The following DMRT1 variants were observed in gnomAD, a reference collection of about 807,000 sequenced individuals.
DMRT1 encodes the protein doublesex- and mab-3-related transcription factor 1.
In DMRT1, 7 loss-of-function variants were observed where a neutral mutation model predicts 32.3. That is an observed-to-expected ratio of 0.22 (90% CI 0.12 to 0.41). The LOEUF (loss-of-function observed/expected upper bound fraction) is 0.41. Ranked by LOEUF, DMRT1 falls within the 10% of genes least tolerant of loss-of-function variation. The pLI is 1.00. For synonymous variants in DMRT1, 278 were observed against 206.1 expected (o/e 1.35, Z -2.99); for missense variants, 625 against 500.5 (o/e 1.25, Z -2.37).
At chr9:966,095 C>T (rs946617403) in intron 4 of DMRT1, among the ~76,000 whole-genome samples, 1 of 152,172 alleles carries the variant, frequency 6.6e-6, no homozygotes, top group Non-Finnish European at 1.5e-5. Context: ...GATCTCAAAG[C>T]AGTCTGCTGC....
intron 4 of DMRT1, among the ~76,000 whole-genome samples, chr9:941,542 G>C (rs1163557039): frequency 4.6e-5 from 7 of 152,160 alleles, no homozygotes; most frequent in Non-Finnish European, 7.3e-5. Context: ...GGGGAGGACA[G>C]AATGGAGAGT....
At position 954,619 on chromosome 9, in the gene DMRT1, T is replaced by G. The variant is rs1028032507; in HGVS notation, c.968-13366T>G. Among the ~76,000 whole-genome samples, 7 of 152,060 alleles carry G rather than the reference T, an allele frequency of 4.6e-5. 1 individual carries two copies. Among genetic ancestry groups the G allele is most frequent in the African/African-American group, 7.2e-5 (3 of 41,464 alleles). ...AGGTTCAGTTTTTTTTGTTTGTTTT[T>G]TTGTTGTTGTTGTTTGGGCTTTATT... On this transcript the variant is annotated intron_variant, in intron 4 of 4. Coordinates refer to ENST00000382276, the MANE Select transcript of DMRT1 (RefSeq NM_021951.3).
At chr9:890,336 G>T (rs1323545336) in intron 2 of DMRT1, among the ~76,000 whole-genome samples, 1 of 152,172 alleles carries the variant, frequency 6.6e-6, no homozygotes, top group African/African-American at 2.4e-5. Flanking sequence ...TGGGGGTGTG[G>T]AATAATGGCA....
rs183812436 is a variant in DMRT1 at position 896,323 on chromosome 9, C to T, written c.822+2128C>T. On this transcript the variant is annotated intron_variant, in intron 3 of 4. Coordinates refer to ENST00000382276, the MANE Select transcript of DMRT1 (RefSeq NM_021951.3). ...TTTTTTCCTGAGACAGAGTCTCACT[C>T]TGTCGCCCAGGCTGGTGCGATCTTG... Among the ~76,000 whole-genome samples, 1,093 of 132,994 alleles carry T rather than the reference C, an allele frequency of 8.2e-3. 14 individuals are homozygous for T. Among genetic ancestry groups the T allele is most frequent in the African/African-American group, 0.03 (1,045 of 35,394 alleles). The allele number at this position is 132,994 out of a possible 152,430, so 87.2% of individuals were successfully genotyped here. A position where few individuals can be genotyped will look rare whatever the true frequency, so the allele number is the denominator to read the frequency against.
intron 4 of DMRT1, among the ~76,000 whole-genome samples, chr9:947,985 T>G (rs1298877839): frequency 6.6e-6 from 1 of 152,234 alleles, no homozygotes; most frequent in East Asian, 1.9e-4. Flanking sequence ...TGCTGCTGAC[T>G]GGGAGGTGCT....
intron 4 of DMRT1, among the ~76,000 whole-genome samples, chr9:945,436 A>G (rs1031649106): frequency 5.3e-5 from 8 of 152,334 alleles, no homozygotes; most frequent in Non-Finnish European, 7.4e-5. Flanking sequence ...GATTACAGGC[A>G]TGAGCCACCG....
At chr9:904,889 C>T (rs1394103755) in intron 3 of DMRT1, among the ~76,000 whole-genome samples, 1 of 151,534 alleles carries the variant, frequency 6.6e-6, no homozygotes, top group Non-Finnish European at 1.5e-5. Flanking sequence ...TTGCGGTGAG[C>T]CGAGATTGCG....
chr9:874,148 C>T (rs187190952), intron 2 of DMRT1, among the ~76,000 whole-genome samples: 10 of 152,220 alleles, frequency 6.6e-5, no homozygotes, highest in Non-Finnish European at 1.5e-5. Context: ...CTTTTCTCCT[C>T]ATGTGTATGA....
chr9:861,396 A>G (rs917748681), intron 2 of DMRT1, among the ~76,000 whole-genome samples: 4 of 151,908 alleles, frequency 2.6e-5, no homozygotes, highest in African/African-American at 7.3e-5. Flanking sequence ...AAGGTTATAG[A>G]TTAACAGCAT....
intron 4 of DMRT1, among the ~76,000 whole-genome samples, chr9:928,450 C>A (rs1470328885): frequency 6.6e-6 from 1 of 152,184 alleles, no homozygotes; most frequent in East Asian, 1.9e-4. Context: ...TCAACATAGC[C>A]TTCCCAGCCA....
intron 2 of DMRT1, among the ~76,000 whole-genome samples, chr9:854,890 C>T (rs1191334403): frequency 1.3e-5 from 2 of 149,708 alleles, no homozygotes; most frequent in African/African-American, 2.5e-5. Context: ...CTCAGCCTCC[C>T]GAGTAGCTGG....
chr9:967,068 C>G (rs1006122189), intron 4 of DMRT1, among the ~76,000 whole-genome samples: 3 of 152,104 alleles, frequency 2.0e-5, no homozygotes, highest in Non-Finnish European at 2.9e-5. Context: ...AACTACTGCC[C>G]GGCAGAATCC....
At chr9:905,400 A>G (rs1449801136) in intron 3 of DMRT1, among the ~76,000 whole-genome samples, 1 of 151,754 alleles carries the variant, frequency 6.6e-6, no homozygotes, top group Non-Finnish European at 1.5e-5. Flanking sequence ...ACATAATTCT[A>G]TGTCTGGAGT....
chr9:855,371 C>T (rs1349716947), intron 2 of DMRT1, among the ~76,000 whole-genome samples: 1 of 152,220 alleles, frequency 6.6e-6, no homozygotes, highest in East Asian at 1.9e-4. Context: ...TGGTTTACAT[C>T]TGTGTCTCCC....
rs1564203862 is a variant in DMRT1, at chr9:861,805, C to CAGAGGCTGCAATCTCGGCACTTT, written c.538+14662_538+14663insAGAGGCTGCAATCTCGGCACTTT. On this transcript the variant is annotated intron_variant, in intron 2 of 4. Transcript: ENST00000382276. Reference sequence around the variant, plus strand: ...CTTCCCAGACGGGGCGGCTGCCGGGCGGGGGGGGGCTCCTTCAGACGGGGC... The same window carrying CAGAGGCTGCAATCTCGGCACTTT: ...CTTCCCAGACGGGGCGGCTGCCGGGCAGAGGCTGCAATCTCGGCACTTTGGGGGGGGGCTCCTTCAGACGGGGC... Among the ~76,000 whole-genome samples the CAGAGGCTGCAATCTCGGCACTTT allele has an allele frequency of 3.4e-4, 49 of 143,592 alleles. 3 individuals carry two copies. Among genetic ancestry groups the CAGAGGCTGCAATCTCGGCACTTT allele is most frequent in the Non-Finnish European group, 6.7e-4 (44 of 65,776 alleles). The allele number at this position is 143,592 out of a possible 152,430, so 94.2% of individuals were successfully genotyped here. A position where few individuals can be genotyped will look rare whatever the true frequency, so the allele number is the denominator to read the frequency against.
chr9:916,961 A>C (rs1404172564), intron 4 of DMRT1, 54 bp downstream of exon 4: 6 of 1,597,720 alleles, frequency 3.8e-6, no homozygotes, highest in Non-Finnish European at 4.3e-6. Flanking sequence ...ATGGCTATCC[A>C]GTATTGGGTC....
At chr9:862,455 A>G (rs1300492985) in intron 2 of DMRT1, among the ~76,000 whole-genome samples, 1 of 142,024 alleles carries the variant, frequency 7.0e-6, no homozygotes, top group East Asian at 2.4e-4. Flanking sequence ...GCGGCAGCAC[A>G]GTCCAGCCTC....
At position 850,510 on chromosome 9, in the gene DMRT1, C is replaced by A. The variant is rs151062662; in HGVS notation, c.538+3367C>A. Among the ~76,000 whole-genome samples the A allele has an allele frequency of 9.7e-3, 1,476 of 152,258 alleles. 16 individuals are homozygous for A. Among genetic ancestry groups the A allele is most frequent in the Non-Finnish European group, 0.016 (1,088 of 68,026 alleles). ...GTATAGTGGAGTACAAAAATATATT[C>A]CATGAAAGATCATTGTTCTTCTAAC... On this transcript the variant is annotated intron_variant, in intron 2 of 4. Coordinates refer to ENST00000382276, the MANE Select transcript of DMRT1 (RefSeq NM_021951.3).
At chr9:902,827 T>A (rs1005991315) in intron 3 of DMRT1, among the ~76,000 whole-genome samples, 1 of 152,100 alleles carries the variant, frequency 6.6e-6, no homozygotes, top group African/African-American at 2.4e-5. Context: ...AACACCCTCA[T>A]GCTGGTCTAG....
Sources: allele counts gnomAD v4.1 joint callset (sites outside exome capture counted in the v4.1 genomes callset), GRCh38; gene constraint gnomAD v4.1.1; transcripts MANE v1.5; gene names NCBI Gene and HGNC (gene_info 2026-07-23, HGNC 2026-07-21).